TMCC2: variants seen among roughly 807,000 people sequenced by gnomAD.
The protein encoded by TMCC2 is transmembrane and coiled-coil domain family 2, also known as transmembrane and coiled-coil domains protein 2.
In TMCC2, 16 loss-of-function variants were observed where a neutral mutation model predicts 49.4. That is an observed-to-expected ratio of 0.32 (90% confidence interval 0.22 to 0.49). The LOEUF (loss-of-function observed/expected upper bound fraction) is 0.49. Among genes scored for constraint, TMCC2 ranks in the 20% least tolerant of loss-of-function variants. The pLI is 0.99. For synonymous variants in TMCC2, 397 were observed against 434.1 expected (o/e 0.91, Z 1.06); for missense variants, 762 against 989.8 (o/e 0.77, Z 3.09).
chr1:205,228,944 C>CT (rs1659672314), intron 1 of TMCC2, 173 bp downstream of exon 1: 1 of 1,416,888 alleles, frequency 7.1e-7, no homozygotes, highest in South Asian at 1.6e-5. Context: ...ATTTATGCCT[C>CT]TGTCTTTCAG....
chr1:205,267,807 T>C lies in TMCC2; in HGVS notation c.748-1143T>C, dbSNP rs542661060. 2.0e-3 allele frequency: 1,818 copies of C among 914,572 alleles called. 2 individuals are homozygous for C. The highest frequency in any genetic ancestry group is 2.3e-3 in the Non-Finnish European group (1,768 of 765,808). The allele number at this position is 914,572 out of a possible 1,614,324, so 56.7% of individuals were successfully genotyped here. ...GGAAGCCTGCCCGCCTGGTGGGGAG[T>C]GAAGGGGGCTGTCATTTCCTTCCTA... On this transcript the variant is annotated intron_variant, in intron 2 of 4. Coordinates refer to ENST00000358024, the MANE Select transcript of TMCC2 (RefSeq NM_014858.4).
intron 2 of TMCC2, among the ~76,000 whole-genome samples, chr1:205,263,076 C>T (rs974021670): frequency 3.9e-5 from 6 of 152,052 alleles, no homozygotes; most frequent in Admixed American, 3.3e-4. Context: ...CACCCCCCAC[C>T]GCCTCCCGCA....
At chr1:205,231,871 TC>T (rs1215042974) in intron 1 of TMCC2, among the ~76,000 whole-genome samples, 11 of 152,198 alleles carry the variant, frequency 7.2e-5, no homozygotes, top group Admixed American at 2.0e-4. Flanking sequence ...ATTTCTGTTT[TC>T]TCATGACAGC....
chr1:205,270,660 C>T (rs574112720), intron 3 of TMCC2, among the ~76,000 whole-genome samples: 6 of 152,330 alleles, frequency 3.9e-5, no homozygotes, highest in East Asian at 3.9e-4. Flanking sequence ...AGTCATCTTA[C>T]GCTATTTTGT....
chr1:205,228,795 C>T, intron 1 of TMCC2, 24 bp downstream of exon 1: 1 of 1,565,400 alleles, frequency 6.4e-7, no homozygotes, highest in Non-Finnish European at 8.7e-7. Flanking sequence ...ATCCCCCCGG[C>T]AAGCCCAGCC....
Position 205,264,740 on chromosome 1 carries a change from C to T in TMCC2, c.748-4210C>T, listed in dbSNP as rs188409192. ...CTCCTAACCTCAGGTGATCCGCCCG[C>T]CTTGGCCTCCCAAAGTGCTGGGATT... On this transcript the variant is annotated intron_variant, in intron 2 of 4. Transcript: ENST00000358024. This position sits in a 1 kb window ranked among gnomAD's most constrained non-coding sequence, Gnocchi z 4.2. 4.7e-4 allele frequency among the ~76,000 whole-genome samples: 71 copies of T among 152,298 alleles called. 1 individual carries two copies. In the East Asian group the frequency reaches 0.011, roughly 23 times the overall value.
At chr1:205,247,742 C>G (rs998086559) in intron 2 of TMCC2, among the ~76,000 whole-genome samples, 7 of 152,054 alleles carry the variant, frequency 4.6e-5, no homozygotes, top group Admixed American at 3.3e-4. Flanking sequence ...ATTTTTAATT[C>G]ATAAGCCTCC....
chr1:205,230,339 C>T (rs1574822094), intron 1 of TMCC2, among the ~76,000 whole-genome samples: 1 of 152,160 alleles, frequency 6.6e-6, no homozygotes. Flanking sequence ...CGTGGCTAGA[C>T]TTATGTCTAG....
intron 2 of TMCC2, chr1:205,256,313 C>T: frequency 6.5e-7 from 1 of 1,549,834 alleles, no homozygotes; most frequent in Non-Finnish European, 8.7e-7. Context: ...ACACTGCTCA[C>T]TGCTCATTGT....
chr1:205,239,927 T>G (rs1401403868), intron 1 of TMCC2, among the ~76,000 whole-genome samples: 1 of 152,058 alleles, frequency 6.6e-6, no homozygotes, highest in Non-Finnish European at 1.5e-5. Context: ...TTTTTCTTGG[T>G]TTCTATATGG....
intron 2 of TMCC2, chr1:205,246,813 G>A: frequency 9.4e-7 from 1 of 1,065,092 alleles, no homozygotes; most frequent in Non-Finnish European, 1.3e-6. Flanking sequence ...GTTGCCTAGG[G>A]CTCCCATGAA....
intron 4 of TMCC2, among the ~76,000 whole-genome samples, 195 bp from the exon 5 acceptor site, chr1:205,271,618 C>T (rs1472432574): frequency 6.6e-6 from 1 of 152,216 alleles, no homozygotes; most frequent in Admixed American, 6.5e-5. Flanking sequence ...TCAAGACTCT[C>T]ATTTCCTAGC....
chr1:205,229,117 T>G, intron 1 of TMCC2: 1 of 1,146,286 alleles, frequency 8.7e-7, no homozygotes, highest in Non-Finnish European at 1.1e-6. Flanking sequence ...GACCATTAGT[T>G]TTCCTTGCTG....
rs951601796 is a variant in TMCC2 at position 205,272,361 on chromosome 1, A to G, written c.*237A>G. 9 of 712,892 alleles carry G rather than the reference A, an allele frequency of 1.3e-5. No homozygotes were observed. Among genetic ancestry groups the G allele is most frequent in the Non-Finnish European group, 2.0e-5 (9 of 448,034 alleles). The allele number at this position is 712,892 out of a possible 1,614,324, so 44.2% of individuals were successfully genotyped here. On this transcript the variant is annotated 3_prime_UTR_variant, in exon 5 of 5. Coordinates refer to ENST00000358024, the MANE Select transcript of TMCC2 (RefSeq NM_014858.4). ...AGTGCGGGCACCTGTGGCCAAGTGG[A>G]GCAGAGGTGGACATGGGGTTGGATT...
chr1:205,267,868 C>T, intron 2 of TMCC2: 5 of 985,298 alleles, frequency 5.1e-6, no homozygotes, highest in Non-Finnish European at 6.0e-6. Context: ...CGGCTAGTAG[C>T]CTCAGGCCCC....
intron 2 of TMCC2, among the ~76,000 whole-genome samples, chr1:205,247,988 G>A (rs889690505): frequency 1.3e-5 from 2 of 152,216 alleles, no homozygotes; most frequent in African/African-American, 2.4e-5. Context: ...AGGGGCTCAC[G>A]GTCCAGGGAA....
intron 3 of TMCC2, 112 bp downstream of exon 3, chr1:205,269,996 C>A: frequency 9.7e-7 from 1 of 1,028,916 alleles, no homozygotes; most frequent in Non-Finnish European, 1.4e-6. Context: ...CCTCAGCCTC[C>A]TGGCTGCTGG....
Position 205,269,131 on chromosome 1 carries a change from G to A in TMCC2, c.929G>A (p.Arg310His). Reference sequence around the variant, plus strand: ...CAGATCAAGATTGAGCAGGAGGCTCGCGACGACAATGTGGCAGAGTATCTG... The same window carrying A: ...CAGATCAAGATTGAGCAGGAGGCTCACGACGACAATGTGGCAGAGTATCTG... ...TEQIKIEQEARDDNVAEYLKL... is the reference protein window; with the variant it reads ...TEQIKIEQEAHDDNVAEYLKL... Residue 310 changes from arginine (R) to histidine (H), a missense_variant, in exon 3 of 5, where the codon CGC becomes CAC. This residue lies in a region of TMCC2 where 440 missense variants were observed against 636.7 expected (regional missense o/e 0.69). Transcript: ENST00000358024. 6.2e-7 allele frequency: 1 copy of A among 1,614,120 alleles called. No homozygotes were observed. The highest frequency in any genetic ancestry group is 8.5e-7 in the Non-Finnish European group (1 of 1,180,026).
At chr1:205,252,270 TAC>T (rs1660698088) in intron 2 of TMCC2, among the ~76,000 whole-genome samples, 1 of 152,208 alleles carries the variant, frequency 6.6e-6, no homozygotes, top group Admixed American at 6.5e-5. Context: ...AGAGATGGCA[TAC>T]TCCCTCCCTG....
Sources: gnomAD v4.1 joint callset for allele counts (sites outside exome capture counted in the v4.1 genomes callset) on GRCh38, gnomAD v4.1.1 for gene constraint, gnomAD v4.1.1 regional missense constraint, Gnocchi (gnomAD v3.1) non-coding constraint, MANE v1.5 for transcripts, NCBI Gene and HGNC (gene_info 2026-07-23, HGNC 2026-07-21) for gene names.